Variants in SEC61A2 observed in about 807,000 individuals in gnomAD.
SEC61A2 encodes the protein SEC61 translocon subunit alpha 2.
A neutral mutation model predicts 59.9 loss-of-function variants in SEC61A2; 28 were observed. That is an observed-to-expected ratio of 0.47 (90% CI 0.35 to 0.64). The LOEUF (loss-of-function observed/expected upper bound fraction) is 0.64. Ranked by LOEUF, SEC61A2 falls within the 30% of genes least tolerant of loss-of-function variation. The pLI is 0.01. For missense variants in SEC61A2, 340 were observed against 585.9 expected, an observed-to-expected ratio of 0.58 and a Z score of 4.33; for synonymous variants, 202 against 214.4, an observed-to-expected ratio of 0.94 and a Z score of 0.50.
intron 4 of SEC61A2, among the ~76,000 whole-genome samples, chr10:12,148,729 G>A (rs561900189): frequency 6.6e-6 from 1 of 151,664 alleles, no homozygotes; most frequent in Admixed American, 6.6e-5. Flanking sequence ...CAGTAGAGAC[G>A]GCCAGGATGG....
downstream of SEC61A2, among the ~76,000 whole-genome samples, chr10:12,168,260 G>A (rs907051705): frequency 9.2e-5 from 14 of 152,242 alleles, no homozygotes; most frequent in African/African-American, 3.1e-4. This position sits in a 1 kb window ranked among gnomAD's most constrained non-coding sequence, Gnocchi z 4.8. Flanking sequence ...TCCTGACCTC[G>A]TGATCCACCC....
chr10:12,155,743 C>G lies in SEC61A2; in HGVS notation c.463-35C>G. On this transcript the variant is annotated intron_variant, in intron 6 of 11. Transcript: ENST00000298428. The surrounding 1 kb of genome is among the most constrained non-coding windows in gnomAD (Gnocchi z 4.3). ...CCTCTCCCCCTTTCTTGAGTTTGTT[C>G]TTGCTTCCGCTTACTTGCATTTCTT... 6.2e-7 allele frequency: 1 copy of G among 1,612,944 alleles called. No homozygotes were observed. Among genetic ancestry groups the G allele is most frequent in the Non-Finnish European group, 8.5e-7 (1 of 1,179,036 alleles).
intron 3 of SEC61A2, 59 bp downstream of exon 3, chr10:12,136,229 T>G: frequency 8.9e-7 from 1 of 1,117,966 alleles, no homozygotes; most frequent in South Asian, 1.3e-5. Context: ...TTTGATTGGT[T>G]AGAATTTGAG....
chr10:12,154,433 T>G lies in SEC61A2; in HGVS notation c.463-1345T>G, dbSNP rs1834350986. On this transcript the variant is annotated intron_variant, in intron 6 of 11. Transcript: ENST00000298428. The surrounding 1 kb of genome is among the most constrained non-coding windows in gnomAD (Gnocchi z 5.2). ...TTTCTCAAGGCCCATCACGATGCTT[T>G]CTGTGGCTGATGTTCATGGACGGCT... is the stretch of plus-strand genomic sequence containing the variant. 6.6e-6 allele frequency among the ~76,000 whole-genome samples: 1 copy of G among 152,152 alleles called. No individual in the cohort carries two copies.
intron 8 of SEC61A2, 30 bp from the exon 9 acceptor site, chr10:12,157,878 C>A (rs747817355): frequency 1.9e-6 from 3 of 1,601,076 alleles, no homozygotes; most frequent in Non-Finnish European, 1.7e-6. Flanking sequence ...GTGTCTGGCT[C>A]CCCCACTTAC....
Position 12,164,882 on chromosome 10 carries a change from C to T in SEC61A2, c.*428C>T. ...GAGTTCTGGAACATTTATATCTAAT[C>T]TATATTTTAGATAATTACTTTTTAT... On this transcript the variant is annotated 3_prime_UTR_variant, in exon 12 of 12. Coordinates refer to ENST00000298428, the MANE Select transcript of SEC61A2 (RefSeq NM_018144.4). The surrounding 1 kb of genome is among the most constrained non-coding windows in gnomAD (Gnocchi z 7.3). 1 of 973,126 alleles carries T rather than the reference C, an allele frequency of 1.0e-6. No homozygotes were observed. Among genetic ancestry groups the T allele is most frequent in the Non-Finnish European group, 1.2e-6 (1 of 818,322 alleles). The allele number at this position is 973,126 out of a possible 1,614,324, so 60.3% of individuals were successfully genotyped here.
chr10:12,147,615 G>A (rs1436820153), intron 4 of SEC61A2, among the ~76,000 whole-genome samples: 3 of 151,864 alleles, frequency 2.0e-5, no homozygotes, highest in African/African-American at 4.8e-5. Flanking sequence ...AATCCAGGAG[G>A]TGGAGGTTGC....
chr10:12,155,451 A>T lies in SEC61A2; in HGVS notation c.463-327A>T. 9.2e-7 allele frequency: 1 copy of T among 1,087,502 alleles called. No individual in the cohort carries two copies. The highest frequency in any genetic ancestry group is 1.3e-6 in the Non-Finnish European group (1 of 774,378). 67.4% of individuals were successfully genotyped at this position (1,087,502 alleles called of 1,614,324 possible). A position where few individuals can be genotyped will look rare whatever the true frequency, so the allele number is the denominator to read the frequency against. Reference sequence around the variant, plus strand: ...TTCTTGCTGTCATAAATTCTAGAATACTGTGATCATTTTTTGTTTCAGTGT... The same window carrying T: ...TTCTTGCTGTCATAAATTCTAGAATTCTGTGATCATTTTTTGTTTCAGTGT... On this transcript the variant is annotated intron_variant, in intron 6 of 11. Coordinates refer to ENST00000298428, the MANE Select transcript of SEC61A2 (RefSeq NM_018144.4). The surrounding 1 kb of genome is among the most constrained non-coding windows in gnomAD (Gnocchi z 4.3).
downstream of SEC61A2, chr10:12,166,863 T>A (rs1473287404): frequency 2.4e-6 from 1 of 416,168 alleles, no homozygotes; most frequent in African/African-American, 2.1e-5. Flanking sequence ...AATCTGTACT[T>A]CTTGCTGTGA....
At chr10:12,134,555 T>C (rs1167817691) in intron 2 of SEC61A2, among the ~76,000 whole-genome samples, 5 of 152,202 alleles carry the variant, frequency 3.3e-5, no homozygotes, top group Non-Finnish European at 7.3e-5. Flanking sequence ...AGTTACCTTT[T>C]TTATGAAAAG....
At chr10:12,166,936 C>G (rs1372570365), downstream of SEC61A2, 10 of 268,060 alleles carry the variant, frequency 3.7e-5, no homozygotes, top group Non-Finnish European at 7.8e-5. Flanking sequence ...GGTTTAACAT[C>G]AAGATATTAC....
At chr10:12,168,612 A>G (rs1378856162), downstream of SEC61A2, among the ~76,000 whole-genome samples, 1 of 152,180 alleles carries the variant, frequency 6.6e-6, no homozygotes, top group Non-Finnish European at 1.5e-5. This position sits in a 1 kb window ranked among gnomAD's most constrained non-coding sequence, Gnocchi z 4.8. Context: ...AGGTTGCCAG[A>G]TGTAAAATCA....
At position 12,164,027 on chromosome 10, in the gene SEC61A2, A is replaced by G. The variant is rs1417024861; in HGVS notation, c.1245-241A>G. On this transcript the variant is annotated intron_variant, in intron 11 of 11. Coordinates refer to ENST00000298428, the MANE Select transcript of SEC61A2 (RefSeq NM_018144.4). This position sits in a 1 kb window ranked among gnomAD's most constrained non-coding sequence, Gnocchi z 7.3. ...GGAATCTCATGTCCTGTAAGATTAC[A>G]TATTGTCTTTCTTGGCTGTTGACTG... Among the ~76,000 whole-genome samples, 1 of 152,210 alleles carries G rather than the reference A, an allele frequency of 6.6e-6. No individual in the cohort carries two copies. Among genetic ancestry groups the G allele is most frequent in the Middle Eastern group, 3.2e-3 (1 of 316 alleles).
intron 8 of SEC61A2, 74 bp from the exon 9 acceptor site, chr10:12,157,834 G>T: frequency 7.1e-7 from 1 of 1,417,864 alleles, no homozygotes; most frequent in South Asian, 1.2e-5. Flanking sequence ...ACTGTTCTTT[G>T]TTTTCCCTCT....
At chr10:12,138,441 A>G (rs528331555) in intron 3 of SEC61A2, among the ~76,000 whole-genome samples, 1 of 152,252 alleles carries the variant, frequency 6.6e-6, no homozygotes, top group East Asian at 1.9e-4. Context: ...CATTTTGAAG[A>G]GTTTTGACAA....
At chr10:12,133,135 G>A in intron 1 of SEC61A2, 106 bp from the exon 2 acceptor site, 1 of 594,454 alleles carries the variant, frequency 1.7e-6, no homozygotes, top group Non-Finnish European at 3.0e-6. Context: ...CTTAAGGGTG[G>A]GGTGAATTGC....
chr10:12,161,040 T>C lies in SEC61A2; in HGVS notation c.1086T>C (p.Val362=), dbSNP rs375061119. ...TCTTTGAGGATCCTGTCCATGTCGT[T>C]GTTTATATCATCTTCATGTTGGGGT... The part of the protein sequence containing the change: ...GAIFEDPVHV[V]VYIIFMLGSC... The change falls in exon 10 of 12, where the codon GTT becomes GTC. Residue 362 remains valine, a synonymous_variant. Transcript: ENST00000298428. This position sits in a 1 kb window ranked among gnomAD's most constrained non-coding sequence, Gnocchi z 5.4. The C allele has an allele frequency of 1.7e-5, 27 of 1,614,052 alleles. No individual in the cohort carries two copies. The highest frequency in any genetic ancestry group is 1.5e-4 in the African/African-American group (11 of 74,950).
rs1253698313 is a variant in SEC61A2, at chr10:12,162,463, T to A, written c.1244+174T>A. ...ATGTCAAAACCAACACCTGAATTTT[T>A]CATTGAAATTGTGAGCACTGCTCTG... On this transcript the variant is annotated intron_variant, in intron 11 of 11. Transcript: ENST00000298428. This position sits in a 1 kb window ranked among gnomAD's most constrained non-coding sequence, Gnocchi z 6.1. 1.3e-6 allele frequency: 1 copy of A among 760,806 alleles called. No homozygotes were observed. The highest frequency in any genetic ancestry group is 2.4e-6 in the Non-Finnish European group (1 of 414,874). 47.1% of individuals were successfully genotyped at this position (760,806 alleles called of 1,614,324 possible).
At chr10:12,146,088 T>C (rs1588636350) in intron 4 of SEC61A2, among the ~76,000 whole-genome samples, 1 of 152,298 alleles carries the variant, frequency 6.6e-6, no homozygotes, top group East Asian at 1.9e-4. Context: ...TGGTGCGATC[T>C]TGGCTCACTG....
Sources: gnomAD v4.1 joint callset for allele counts (sites outside exome capture counted in the v4.1 genomes callset) on GRCh38, gnomAD v4.1.1 for gene constraint, Gnocchi (gnomAD v3.1) non-coding constraint, MANE v1.5 for transcripts, NCBI Gene and HGNC (gene_info 2026-07-23, HGNC 2026-07-21) for gene names.